DSCAM: variants seen among roughly 807,000 people sequenced by gnomAD.
DSCAM encodes DS cell adhesion molecule, also known as cell adhesion molecule DSCAM.
Under a neutral mutation model 217.7 loss-of-function variants are expected in DSCAM, and 47 were observed. The ratio of observed to expected loss-of-function variants is 0.22; its 90% CI spans 0.17 to 0.28. The LOEUF is 0.28. DSCAM is among the 10% of genes least tolerant of loss of function. The pLI, the probability that DSCAM is intolerant of heterozygous loss-of-function variation, is 1.00. For synonymous variants in DSCAM, 1,056 were observed against 1,015.3 expected (o/e 1.04, Z -0.76); for missense variants, 2,080 against 2,618.3 (o/e 0.79, Z 4.49).
At chr21:40,326,153 G>A (rs1175251624) in intron 8 of DSCAM, among the ~76,000 whole-genome samples, 1 of 152,126 alleles carries the variant, frequency 6.6e-6, no homozygotes, top group Non-Finnish European at 1.5e-5. Context: ...GAAAAAAGGG[G>A]GGACAAGTTA....
intron 1 of DSCAM, among the ~76,000 whole-genome samples, chr21:40,716,548 G>A (rs946395371): frequency 2.0e-5 from 3 of 152,186 alleles, no homozygotes; most frequent in African/African-American, 7.2e-5. Flanking sequence ...TTCTTCAGTT[G>A]CAGACTTCTC....
intron 2 of DSCAM, among the ~76,000 whole-genome samples, chr21:40,707,214 C>T (rs549407534): frequency 1.3e-4 from 20 of 152,302 alleles, no homozygotes; most frequent in Middle Eastern, 6.8e-3. Flanking sequence ...ATTATAAATA[C>T]GCTTTTATAA....
intron 3 of DSCAM, among the ~76,000 whole-genome samples, chr21:40,488,387 A>G (rs1483853631): frequency 6.6e-6 from 1 of 152,170 alleles, no homozygotes; most frequent in Admixed American, 6.5e-5. Flanking sequence ...GTCTCTGGAA[A>G]CTTCTATTTG....
intron 3 of DSCAM, among the ~76,000 whole-genome samples, chr21:40,487,326 TGAGAGAGAGAGAGAGAGA>T (rs10598197): frequency 2.2e-4 from 16 of 72,846 alleles, no homozygotes; most frequent in Admixed American, 5.5e-4. Context: ...TGTGTGTGTG[TGAGAGAGAGAGAGAGAGA>T]GAGAGAGAGA....
chr21:40,015,942 T>C (rs2146409146), intron 32 of DSCAM, among the ~76,000 whole-genome samples: 1 of 152,326 alleles, frequency 6.6e-6, no homozygotes, highest in Non-Finnish European at 1.5e-5. Flanking sequence ...TGCTTCCCAC[T>C]TTTTGAGGAA....
intron 1 of DSCAM, among the ~76,000 whole-genome samples, chr21:40,755,899 T>C (rs2091271049): frequency 6.6e-6 from 1 of 152,230 alleles, no homozygotes; most frequent in Admixed American, 6.5e-5. Context: ...TAGAATCTGG[T>C]GTTCGCCATG....
At chr21:40,122,094 C>T (rs538164341) in intron 20 of DSCAM, among the ~76,000 whole-genome samples, 5 of 152,218 alleles carry the variant, frequency 3.3e-5, no homozygotes, top group Admixed American at 1.3e-4. Context: ...TGGGGAAATG[C>T]GTTTCTACCC....
chr21:40,298,040 A>G (rs1034386396), intron 9 of DSCAM, among the ~76,000 whole-genome samples: 4 of 151,918 alleles, frequency 2.6e-5, no homozygotes, highest in Admixed American at 2.0e-4. Flanking sequence ...AACTGCTGTA[A>G]GAGTGTTGAT....
chr21:40,203,157 T>G (rs2091088305), intron 11 of DSCAM, among the ~76,000 whole-genome samples: 1 of 152,220 alleles, frequency 6.6e-6, no homozygotes, highest in African/African-American at 2.4e-5. Context: ...CCCATCTGTT[T>G]CCCACCTGGG....
At chr21:40,505,575 A>G (rs2076203843) in intron 3 of DSCAM, among the ~76,000 whole-genome samples, 1 of 152,236 alleles carries the variant, frequency 6.6e-6, no homozygotes, top group Non-Finnish European at 1.5e-5. Context: ...TAAAAGGTAA[A>G]TACTATAATG....
intron 11 of DSCAM, among the ~76,000 whole-genome samples, chr21:40,232,267 T>C (rs1226513762): frequency 6.6e-6 from 1 of 152,158 alleles, no homozygotes; most frequent in Non-Finnish European, 1.5e-5. Context: ...AAGCCAAAAA[T>C]GGACTTGTTG....
At chr21:40,756,301 C>A (rs1301809983) in intron 1 of DSCAM, among the ~76,000 whole-genome samples, 2 of 152,228 alleles carry the variant, frequency 1.3e-5, no homozygotes, top group African/African-American at 4.8e-5. Context: ...CTGCAGCCTC[C>A]CCAGAAGCTG....
intron 1 of DSCAM, among the ~76,000 whole-genome samples, chr21:40,798,536 A>G (rs913310619): frequency 1.1e-4 from 17 of 152,264 alleles, no homozygotes; most frequent in Non-Finnish European, 2.2e-4. Context: ...AGCAAAGCAC[A>G]TGAATTGGCA....
chr21:40,143,550 T>G (rs2090317888), intron 17 of DSCAM, among the ~76,000 whole-genome samples: 2 of 152,122 alleles, frequency 1.3e-5, no homozygotes, highest in South Asian at 2.1e-4. Flanking sequence ...CCAGCACTTT[T>G]GGAGGCCGAG....
chr21:40,449,970 T>C (rs1569128620), intron 3 of DSCAM, among the ~76,000 whole-genome samples: 1 of 152,230 alleles, frequency 6.6e-6, no homozygotes, highest in Non-Finnish European at 1.5e-5. Context: ...TTTAATATGT[T>C]ACATTTGATT....
intron 3 of DSCAM, among the ~76,000 whole-genome samples, chr21:40,668,332 T>C (rs9977945): frequency 0.89 from 135,106 of 152,286 alleles, 60,071 homozygotes; most frequent in East Asian, 1. Flanking sequence ...ACAGGCAGCA[T>C]CAGTTGTGTT....
chr21:40,338,024 C>G (rs1242515472), intron 8 of DSCAM, 77 bp downstream of exon 8: 1 of 1,553,426 alleles, frequency 6.4e-7, no homozygotes, highest in African/African-American at 1.4e-5. Context: ...CTTGGATTAC[C>G]CGACTTCAAA....
At chr21:40,453,934 G>A (rs1057277762) in intron 3 of DSCAM, among the ~76,000 whole-genome samples, 1 of 152,154 alleles carries the variant, frequency 6.6e-6, no homozygotes, top group Non-Finnish European at 1.5e-5. Context: ...CCTTGGCTGG[G>A]CCTATGCCTG....
At chr21:40,218,027 G>T (rs560842286) in intron 11 of DSCAM, among the ~76,000 whole-genome samples, 43 of 152,250 alleles carry the variant, frequency 2.8e-4, no homozygotes, top group African/African-American at 1.0e-3. Flanking sequence ...GTCAAATTTT[G>T]CTTGTGTTGC....
Sources: gnomAD v4.1 joint callset for allele counts (sites outside exome capture counted in the v4.1 genomes callset) on GRCh38, gnomAD v4.1.1 for gene constraint, MANE v1.5 for transcripts, NCBI Gene and HGNC (gene_info 2026-07-23, HGNC 2026-07-21) for gene names.